DET1: variants seen among roughly 807,000 people sequenced by gnomAD.
The protein encoded by DET1 is DET1 homolog.
A neutral mutation model predicts 43.7 loss-of-function variants in DET1; 22 were observed. The ratio of observed to expected loss-of-function variants is 0.50; its 90% CI spans 0.36 to 0.72. The LOEUF (loss-of-function observed/expected upper bound fraction) is 0.72. DET1 is among the 30% of genes least tolerant of loss of function. DET1 has a pLI of 0.00. For synonymous variants in DET1, 315 were observed against 266.2 expected (o/e 1.18, Z -1.79); for missense variants, 713 against 713.3 (o/e 1.00, Z 0.00).
intron 7 of DET1, among the ~76,000 whole-genome samples, chr15:88,506,341 A>C (rs2056141076): frequency 6.6e-6 from 1 of 152,296 alleles, no homozygotes; most frequent in East Asian, 1.9e-4. Flanking sequence ...TCTATCAGGC[A>C]CCATGGATAA....
In DET1 at chr15:88,531,713, T is replaced by A. The variant is rs767933306; in HGVS notation, c.-8A>T. The stretch of plus-strand genomic sequence containing the variant: ...AGAAACATGATGATCCATTATCACA[T>A]CTCTAAACAGAAAAGTAAAGCAGAA... On this transcript the variant is annotated splice_region_variant and 5_prime_UTR_variant, in exon 2 of 5. An upstream start codon of the reference 5' UTR is lost. Transcript: ENST00000268148. This position sits in a 1 kb window ranked among gnomAD's most constrained non-coding sequence, Gnocchi z 6.2. The A allele has an allele frequency of 1.3e-6, 2 of 1,592,174 alleles. No individual in the cohort carries two copies. The highest frequency in any genetic ancestry group is 1.7e-5 in the Admixed American group (1 of 58,164).
At chr15:88,527,921 A>AAC in intron 2 of DET1, 135 bp from the exon 3 acceptor site, 2 of 566,416 alleles carry the variant, frequency 3.5e-6, no homozygotes, top group Non-Finnish European at 5.6e-6. Flanking sequence ...CAACAACAAC[A>AAC]AGCAAACACC....
intron 1 of DET1, among the ~76,000 whole-genome samples, chr15:88,545,882 A>G (rs1428643977): frequency 1.3e-5 from 2 of 150,644 alleles, no homozygotes; most frequent in Non-Finnish European, 3.0e-5. Context: ...CAATTAACTG[A>G]TAAGATACTG....
At chr15:88,509,840 T>A (rs1253936291), downstream of DET1, among the ~76,000 whole-genome samples, 1 of 152,212 alleles carries the variant, frequency 6.6e-6, no homozygotes, top group Non-Finnish European at 1.5e-5. Context: ...TGATGTGTGA[T>A]CCTAATGGAG....
At chr15:88,533,852 T>TAAAA (rs368408722) in intron 1 of DET1, among the ~76,000 whole-genome samples, 5,844 of 38,766 alleles carry the variant, frequency 0.15, 722 homozygotes, top group Non-Finnish European at 0.23. Context: ...ACCCAATCTC[T>TAAAA]AAAAAAAAAA....
In DET1 at chr15:88,531,782, A is replaced by T. The variant is rs1370425031; in HGVS notation, c.-10-67T>A. ...AATTTACCAAAATATAAATATATAC[A>T]AGTGAAACAGATTTCTCTTCTTATA... On this transcript the variant is annotated intron_variant, in intron 1 of 4. Transcript: ENST00000268148. The surrounding 1 kb of genome is among the most constrained non-coding windows in gnomAD (Gnocchi z 6.2). 3 of 1,419,700 alleles carry T rather than the reference A, an allele frequency of 2.1e-6. No individual in the cohort carries two copies. The highest frequency in any genetic ancestry group is 4.8e-5 in the East Asian group (2 of 41,560). The allele number at this position is 1,419,700 out of a possible 1,614,324, so 87.9% of individuals were successfully genotyped here. A position where few individuals can be genotyped will look rare whatever the true frequency, so the allele number is the denominator to read the frequency against.
intron 1 of DET1, among the ~76,000 whole-genome samples, chr15:88,543,798 G>T (rs1448711373): frequency 6.6e-6 from 1 of 152,182 alleles, no homozygotes; most frequent in Admixed American, 6.5e-5. Flanking sequence ...TCTACCAGAA[G>T]CGTGGGCTAC....
chr15:88,529,721 T>C (rs1001361338), intron 2 of DET1, among the ~76,000 whole-genome samples: 5 of 152,188 alleles, frequency 3.3e-5, no homozygotes, highest in Admixed American at 3.3e-4. Context: ...ATTTCCAAAC[T>C]AGTGTCTAAG....
chr15:88,538,885 G>A (rs1025398718), intron 1 of DET1, among the ~76,000 whole-genome samples: 3 of 152,170 alleles, frequency 2.0e-5, no homozygotes, highest in Non-Finnish European at 1.5e-5. Context: ...CTTTGTTCTG[G>A]TTCTGGTAAG....
chr15:88,538,891 G>A (rs1396250807), intron 1 of DET1, among the ~76,000 whole-genome samples: 2 of 152,152 alleles, frequency 1.3e-5, no homozygotes, highest in Non-Finnish European at 2.9e-5. Context: ...TCTGGTTCTG[G>A]TAAGAGGGAA....
At position 88,544,523 on chromosome 15, in the gene DET1, A is replaced by G. The variant is rs149816712; in HGVS notation, c.-11+2017T>C. ...CCACTTGTTCAAGGAAACCATCCCA[A>G]TCCAATTCCTAACCAGACGGGGTCC... On this transcript the variant is annotated intron_variant, in intron 1 of 4. Transcript: ENST00000268148. 2.4e-3 allele frequency among the ~76,000 whole-genome samples: 371 copies of G among 152,296 alleles called. 4 individuals carry two copies. The highest frequency in any genetic ancestry group is 8.4e-3 in the African/African-American group (349 of 41,554).
At chr15:88,536,167 G>C (rs2056943348) in intron 1 of DET1, 1 of 611,962 alleles carries the variant, frequency 1.6e-6, no homozygotes, top group African/African-American at 1.9e-5. Context: ...TGAAAGATCT[G>C]CCTCTGTTTC....
intron 3 of DET1, among the ~76,000 whole-genome samples, chr15:88,521,425 C>G (rs1598324040): frequency 6.6e-6 from 1 of 152,316 alleles, no homozygotes; most frequent in African/African-American, 2.4e-5. Flanking sequence ...TCTTGGACTC[C>G]TCCACTTTCG....
At chr15:88,518,834 T>G (rs989400740) in intron 3 of DET1, among the ~76,000 whole-genome samples, 1 of 152,190 alleles carries the variant, frequency 6.6e-6, no homozygotes. Context: ...ACTATTAACC[T>G]ATGGTATTAG....
At chr15:88,506,250 T>G (rs1284576036) in intron 7 of DET1, among the ~76,000 whole-genome samples, 1 of 152,198 alleles carries the variant, frequency 6.6e-6, no homozygotes, top group Non-Finnish European at 1.5e-5. Flanking sequence ...GCTAAAATTC[T>G]TATCATCATG....
chr15:88,538,944 C>T (rs1250615588), intron 1 of DET1, among the ~76,000 whole-genome samples: 15 of 152,146 alleles, frequency 9.9e-5, no homozygotes, highest in Non-Finnish European at 2.2e-4. Context: ...CAGCCCGTTA[C>T]TCTAGGACGC....
Position 88,531,791 on chromosome 15 carries a change from A to T in DET1, c.-10-76T>A. 1 of 1,370,612 alleles carries T rather than the reference A, an allele frequency of 7.3e-7. No individual in the cohort carries two copies. Among genetic ancestry groups the T allele is most frequent in the Non-Finnish European group, 9.7e-7 (1 of 1,026,924 alleles). 84.9% of individuals were successfully genotyped at this position (1,370,612 alleles called of 1,614,324 possible). On this transcript the variant is annotated intron_variant, in intron 1 of 4. Coordinates refer to ENST00000268148, the MANE Select transcript of DET1 (RefSeq NM_001144074.3). This position sits in a 1 kb window ranked among gnomAD's most constrained non-coding sequence, Gnocchi z 6.2. ...AAATATAAATATATACAAGTGAAACAGATTTCTCTTCTTATATCCTGAACC... is the reference window on the plus strand; with the variant it reads ...AAATATAAATATATACAAGTGAAACTGATTTCTCTTCTTATATCCTGAACC...
chr15:88,530,052 A>G (rs1186180374), intron 2 of DET1, among the ~76,000 whole-genome samples: 1 of 152,174 alleles, frequency 6.6e-6, no homozygotes, highest in Non-Finnish European at 1.5e-5. Context: ...CTGCTCTACA[A>G]CCTATGTCCC....
rs375831122 is a variant in DET1 at position 88,531,299 on chromosome 15, T to C, written c.407A>G (p.Asn136Ser). 16 of 1,613,848 alleles carry C rather than the reference T, an allele frequency of 9.9e-6. 1 individual carries two copies. The highest frequency in any genetic ancestry group is 4.4e-5 in the South Asian group (4 of 91,086). The change falls in exon 2 of 5, where the codon AAT becomes AGT. Residue 136 changes from asparagine to serine, a missense_variant. Asn to Ser is a conservative substitution (Grantham distance 46). Transcript: ENST00000268148. The surrounding 1 kb of genome is among the most constrained non-coding windows in gnomAD (Gnocchi z 6.2). ...VLLHITNVAA[N>S]GEHLNRECSL... ...ACACTCCCGGTTCAGGTGCTCACCA[T>C]TGGCCGCAACATTGGTAATGTGCAG...
Sources: allele counts gnomAD v4.1 joint callset (sites outside exome capture counted in the v4.1 genomes callset), GRCh38; gene constraint gnomAD v4.1.1; non-coding constraint Gnocchi (gnomAD v3.1); transcripts MANE v1.5; gene names NCBI Gene and HGNC (gene_info 2026-07-23, HGNC 2026-07-21).